The following ANKRD33B variants were observed in gnomAD, a reference collection of about 807,000 sequenced individuals.
ANKRD33B encodes ankyrin repeat domain 33B, also known as ankyrin repeat domain-containing protein 33B.
A neutral mutation model predicts 21.5 loss-of-function variants in ANKRD33B; 6 were observed. The observed-to-expected ratio is 0.28, with a 90% confidence interval of 0.15 to 0.55. The LOEUF (loss-of-function observed/expected upper bound fraction) is 0.55. ANKRD33B is among the 20% of genes least tolerant of loss of function. The pLI, the probability that ANKRD33B is intolerant of heterozygous loss-of-function variation, is 0.94. For synonymous variants in ANKRD33B, 347 were observed against 342.4 expected (o/e 1.01, Z -0.15); for missense variants, 698 against 747.2 (o/e 0.93, Z 0.77).
At chr5:10,582,747 G>C (rs56330000) in intron 1 of ANKRD33B, among the ~76,000 whole-genome samples, 4,463 of 152,292 alleles carry the variant, frequency 0.029, 109 homozygotes, top group South Asian at 0.054. Context: ...AGGCCACTCA[G>C]AGTTCCCCTC....
At chr5:10,643,402 T>G (rs573975372) in intron 3 of ANKRD33B, among the ~76,000 whole-genome samples, 1 of 152,204 alleles carries the variant, frequency 6.6e-6, no homozygotes, top group South Asian at 2.1e-4. Context: ...AAAAATTGCT[T>G]CCCATCGAGA....
At position 10,655,719 on chromosome 5, in the gene ANKRD33B, A is replaced by G. The variant is rs925689186; in HGVS notation, c.*5606A>G. 1 of 152,424 alleles carries G rather than the reference A, an allele frequency of 6.6e-6. No homozygotes were observed. Among genetic ancestry groups the G allele is most frequent in the Admixed American group, 6.5e-5 (1 of 15,296 alleles). The allele number at this position is 152,424 out of a possible 1,614,324, so 9.4% of individuals were successfully genotyped here. On this transcript the variant is annotated 3_prime_UTR_variant, in exon 4 of 4. Coordinates refer to ENST00000296657, the MANE Select transcript of ANKRD33B (RefSeq NM_001164440.2). ...CTTTTGCAGTATTTGGGGAAATTCTAACACATTTCCCGGGGATTTGCCCAG... is the reference window on the plus strand; with the variant it reads ...CTTTTGCAGTATTTGGGGAAATTCTGACACATTTCCCGGGGATTTGCCCAG...
At chr5:10,637,425 G>GAGACACACACACACACACACACACAC (rs1275126479) in intron 2 of ANKRD33B, among the ~76,000 whole-genome samples, 1 of 100,334 alleles carries the variant, frequency 1.0e-5, no homozygotes, top group African/African-American at 4.4e-5. Flanking sequence ...TAGGTAGTTA[G>GAGACACACACACACACACACACACAC]ACACACACAC....
intron 1 of ANKRD33B, among the ~76,000 whole-genome samples, chr5:10,594,298 A>G (rs1054535277): frequency 7.0e-6 from 1 of 142,368 alleles, no homozygotes; most frequent in African/African-American, 2.6e-5. Flanking sequence ...GCCCACCACA[A>G]CCTCCGCTTG....
intron 1 of ANKRD33B, among the ~76,000 whole-genome samples, chr5:10,603,781 C>T (rs1173769822): frequency 6.6e-6 from 1 of 151,818 alleles, no homozygotes; most frequent in Non-Finnish European, 1.5e-5. Context: ...TTAAGCCTTT[C>T]CTCATGATTA....
At position 10,647,708 on chromosome 5, in the gene ANKRD33B, TGGTGCGGTA is replaced by T. The variant is rs561734388; in HGVS notation, c.638-1555_638-1547del. ...TTTGGGGGGTTGGTGAGTCTGAAAC[TGGTGCGGTA>T]GGCTCGAAGGCTGGAAACTCAGGCA... On this transcript the variant is annotated intron_variant, in intron 3 of 3. Transcript: ENST00000296657. 8.5e-5 allele frequency among the ~76,000 whole-genome samples: 13 copies of T among 152,258 alleles called. No individual in the cohort carries two copies. The East Asian group carries it at 2.5e-3, about 29-fold the overall frequency.
At chr5:10,579,120 C>G (rs532270552) in intron 1 of ANKRD33B, among the ~76,000 whole-genome samples, 1 of 148,776 alleles carries the variant, frequency 6.7e-6, no homozygotes, top group African/African-American at 2.5e-5. Flanking sequence ...GCCGTGATCG[C>G]GCCACTGCAC....
intron 1 of ANKRD33B, among the ~76,000 whole-genome samples, chr5:10,566,519 G>A (rs1300606865): frequency 2.0e-5 from 3 of 152,238 alleles, no homozygotes; most frequent in Non-Finnish European, 2.9e-5. Context: ...GCAGCCTGGT[G>A]GTCTCCAGTG....
At chr5:10,584,671 A>T (rs768459588) in intron 1 of ANKRD33B, among the ~76,000 whole-genome samples, 2 of 152,232 alleles carry the variant, frequency 1.3e-5, no homozygotes, top group Admixed American at 6.5e-5. Context: ...TTTATTGGAC[A>T]GGGGTACCTG....
chr5:10,641,836 G>A (rs1737070504), intron 3 of ANKRD33B, among the ~76,000 whole-genome samples: 1 of 151,844 alleles, frequency 6.6e-6, no homozygotes, highest in South Asian at 2.1e-4. Context: ...GAGTCCTATC[G>A]ATTGTACTTT....
Position 10,654,919 on chromosome 5 carries a change from G to T in ANKRD33B, c.*4806G>T, listed in dbSNP as rs941988105. 1 of 152,470 alleles carries T rather than the reference G, an allele frequency of 6.6e-6. No individual in the cohort carries two copies. The highest frequency in any genetic ancestry group is 1.9e-4 in the East Asian group (1 of 5,334). 9.4% of individuals were successfully genotyped at this position (152,470 alleles called of 1,614,324 possible). On this transcript the variant is annotated 3_prime_UTR_variant, in exon 4 of 4. Transcript: ENST00000296657. ...CCATTCATCTGGAATTACTCGATGT[G>T]CAGAGGCTGCCCCTTGGCCGCACTT...
At chr5:10,568,200 A>G (rs970188553) in intron 1 of ANKRD33B, among the ~76,000 whole-genome samples, 5 of 152,260 alleles carry the variant, frequency 3.3e-5, no homozygotes, top group African/African-American at 1.2e-4. Flanking sequence ...TTTAATATGC[A>G]ACATGTAAAT....
rs2126538646 is a variant in ANKRD33B, at chr5:10,564,188, G to A, written c.-280G>A. On this transcript the variant is annotated 5_prime_UTR_variant, in exon 1 of 4. Transcript: ENST00000296657. ...TGGCTCTGAACTCTGGCCAGGAAGGGGCGCGAGGGGAAGGCCCCGGGGGAA... is the reference window on the plus strand; with the variant it reads ...TGGCTCTGAACTCTGGCCAGGAAGGAGCGCGAGGGGAAGGCCCCGGGGGAA... 1 of 154,122 alleles carries A rather than the reference G, an allele frequency of 6.5e-6. No individual in the cohort carries two copies. Among genetic ancestry groups the A allele is most frequent in the South Asian group, 2.1e-4 (1 of 4,864 alleles). 9.5% of individuals were successfully genotyped at this position (154,122 alleles called of 1,614,324 possible).
chr5:10,569,653 G>A (rs1735133078), intron 1 of ANKRD33B, among the ~76,000 whole-genome samples: 1 of 148,562 alleles, frequency 6.7e-6, no homozygotes, highest in Admixed American at 6.7e-5. Flanking sequence ...TGTTTTAGTT[G>A]CATCTCCAAA....
At position 10,649,792 on chromosome 5, in the gene ANKRD33B, T is replaced by C. The variant is rs1217964753; in HGVS notation, c.1164T>C (p.Pro388=). 2 of 1,400,364 alleles carry C rather than the reference T, an allele frequency of 1.4e-6. No homozygotes were observed. The highest frequency in any genetic ancestry group is 1.8e-6 in the Non-Finnish European group (2 of 1,083,782). The allele number at this position is 1,400,364 out of a possible 1,614,324, so 86.7% of individuals were successfully genotyped here. A position where few individuals can be genotyped will look rare whatever the true frequency, so the allele number is the denominator to read the frequency against. ...AGGGCTCCCCGAGAGCCGGCCTCCC[T>C]CCCGCCCTGGGGTCCCGGGGCCCCG... is the stretch of plus-strand genomic sequence containing the variant. ...SREGSPRAGL[P]PALGSRGPAA... The change falls in exon 4 of 4, where the codon CCT becomes CCC. Residue 388 remains proline (P), a synonymous_variant. Coordinates refer to ENST00000296657, the MANE Select transcript of ANKRD33B (RefSeq NM_001164440.2).
At chr5:10,570,023 T>C (rs1400583168) in intron 1 of ANKRD33B, among the ~76,000 whole-genome samples, 7 of 152,158 alleles carry the variant, frequency 4.6e-5, no homozygotes, top group Non-Finnish European at 8.8e-5. Context: ...ATTACAGGCA[T>C]GTGCCACCAT....
chr5:10,619,257 G>A lies in ANKRD33B; in HGVS notation c.496+795G>A. 1.0e-6 allele frequency: 1 copy of A among 975,520 alleles called. No individual in the cohort carries two copies. Among genetic ancestry groups the A allele is most frequent in the Non-Finnish European group, 1.2e-6 (1 of 820,896 alleles). 60.4% of individuals were successfully genotyped at this position (975,520 alleles called of 1,614,324 possible). Reference sequence around the variant, plus strand: ...GTTGCAAGCAAAGAAGCTGCCTGCAGCTGAGCCAGGAAGAACAGGCGCTTG... The same window carrying A: ...GTTGCAAGCAAAGAAGCTGCCTGCAACTGAGCCAGGAAGAACAGGCGCTTG... On this transcript the variant is annotated intron_variant, in intron 2 of 3. Coordinates refer to ENST00000296657, the MANE Select transcript of ANKRD33B (RefSeq NM_001164440.2). This position sits in a 1 kb window ranked among gnomAD's most constrained non-coding sequence, Gnocchi z 4.5.
At chr5:10,593,812 T>C (rs958209689) in intron 1 of ANKRD33B, among the ~76,000 whole-genome samples, 1 of 151,846 alleles carries the variant, frequency 6.6e-6, no homozygotes, top group Non-Finnish European at 1.5e-5. Context: ...TCAACTCACT[T>C]ACCCTCACCC....
intron 3 of ANKRD33B, among the ~76,000 whole-genome samples, chr5:10,648,424 T>C (rs1737239226): frequency 6.6e-6 from 1 of 152,236 alleles, no homozygotes; most frequent in African/African-American, 2.4e-5. Context: ...TCTGGTCATC[T>C]CTCCATTGAT....
Sources: gnomAD v4.1 joint callset for allele counts (sites outside exome capture counted in the v4.1 genomes callset) on GRCh38, gnomAD v4.1.1 for gene constraint, Gnocchi (gnomAD v3.1) non-coding constraint, MANE v1.5 for transcripts, NCBI Gene and HGNC (gene_info 2026-07-23, HGNC 2026-07-21) for gene names.